The following CNTN5 variants were observed in gnomAD, a reference collection of about 807,000 sequenced individuals.
CNTN5 encodes contactin-5.
A neutral mutation model predicts 129.1 loss-of-function variants in CNTN5; 77 were observed. The ratio of observed to expected loss-of-function variants is 0.60; its 90% CI spans 0.50 to 0.72. The LOEUF (loss-of-function observed/expected upper bound fraction) is 0.72. Ranked by LOEUF, CNTN5 falls within the 30% of genes least tolerant of loss-of-function variation. CNTN5 has a pLI of 0.00. For missense variants in CNTN5, 1,478 were observed against 1,328.8 expected (o/e 1.11, Z -1.75); for synonymous variants, 509 against 465.6 (o/e 1.09, Z -1.20).
At chr11:100,229,104 A>G (rs1949439409) in intron 16 of CNTN5, among the ~76,000 whole-genome samples, 1 of 152,178 alleles carries the variant, frequency 6.6e-6, no homozygotes, top group Non-Finnish European at 1.5e-5. Context: ...AAAGCATGTT[A>G]GCAAACAGAG....
intron 2 of CNTN5, among the ~76,000 whole-genome samples, chr11:99,448,596 A>ACT (rs199787743): frequency 0.011 from 1,647 of 152,070 alleles, 37 homozygotes; most frequent in African/African-American, 0.037. Flanking sequence ...TCCCTACCCT[A>ACT]GGAACCTGCA....
intron 6 of CNTN5, among the ~76,000 whole-genome samples, chr11:99,895,224 G>A (rs902035673): frequency 6.6e-6 from 1 of 152,184 alleles, no homozygotes; most frequent in Non-Finnish European, 1.5e-5. Context: ...CAGCAGAGCT[G>A]TCCTAGATAA....
At chr11:99,080,741 C>G (rs1865757279) in intron 1 of CNTN5, among the ~76,000 whole-genome samples, 1 of 152,108 alleles carries the variant, frequency 6.6e-6, no homozygotes. Context: ...GAAGGAATAG[C>G]TATTGAATAG....
chr11:99,652,527 C>T (rs1163433224), intron 3 of CNTN5, among the ~76,000 whole-genome samples: 1 of 152,002 alleles, frequency 6.6e-6, no homozygotes, highest in Non-Finnish European at 1.5e-5. Context: ...TCTCACGATC[C>T]TGTCAACCAG....
intron 6 of CNTN5, among the ~76,000 whole-genome samples, chr11:99,856,334 A>T (rs886941441): frequency 3.3e-5 from 5 of 152,196 alleles, no homozygotes; most frequent in African/African-American, 1.2e-4. Flanking sequence ...CAAATTATAA[A>T]TGATGCTGTA....
chr11:99,126,223 G>A (rs1858625103), intron 1 of CNTN5, among the ~76,000 whole-genome samples: 1 of 152,142 alleles, frequency 6.6e-6, no homozygotes, highest in South Asian at 2.1e-4. Flanking sequence ...TAATCTATTA[G>A]TGCCTTTTAA....
chr11:99,894,875 A>G (rs540931258), intron 6 of CNTN5, among the ~76,000 whole-genome samples: 1 of 152,324 alleles, frequency 6.6e-6, no homozygotes, highest in South Asian at 2.1e-4. Flanking sequence ...TGCTTACTGA[A>G]AAAACATAGG....
At chr11:99,942,622 T>G (rs770615544) in intron 7 of CNTN5, among the ~76,000 whole-genome samples, 1 of 151,988 alleles carries the variant, frequency 6.6e-6, no homozygotes, top group Non-Finnish European at 1.5e-5. Context: ...ACCCATAATC[T>G]AGGTTTTAAG....
In CNTN5 at chr11:99,864,728, G is replaced by T. The variant is rs115794270; in HGVS notation, c.577+19466G>T. ...GTGTCATAGTGAAATTATTTGCCTCGGAGTTTTTGGGGATTTGATATTGCA... is the reference window on the plus strand; with the variant it reads ...GTGTCATAGTGAAATTATTTGCCTCTGAGTTTTTGGGGATTTGATATTGCA... On this transcript the variant is annotated intron_variant, in intron 6 of 24. Coordinates refer to ENST00000524871, the MANE Select transcript of CNTN5 (RefSeq NM_014361.4). 8.5e-5 allele frequency among the ~76,000 whole-genome samples: 13 copies of T among 152,174 alleles called. No homozygotes were observed. The East Asian group carries it at 2.3e-3, about 27-fold the overall frequency.
chr11:99,404,641 A>G (rs555252690), intron 2 of CNTN5, among the ~76,000 whole-genome samples: 4 of 152,280 alleles, frequency 2.6e-5, no homozygotes, highest in African/African-American at 9.6e-5. Flanking sequence ...AGGCTAGTAA[A>G]GACTGTATGC....
intron 13 of CNTN5, among the ~76,000 whole-genome samples, chr11:100,120,684 A>T (rs894507591): frequency 1.3e-5 from 2 of 151,958 alleles, no homozygotes; most frequent in Non-Finnish European, 2.9e-5. Flanking sequence ...TGTAGATTTT[A>T]TATAAAATAA....
At chr11:99,494,311 T>C (rs1371452772) in intron 2 of CNTN5, among the ~76,000 whole-genome samples, 2 of 152,212 alleles carry the variant, frequency 1.3e-5, no homozygotes, top group African/African-American at 4.8e-5. Context: ...CAATACCCTT[T>C]TACTTTCTCA....
intron 1 of CNTN5, among the ~76,000 whole-genome samples, chr11:99,230,606 G>C (rs1043886999): frequency 6.6e-6 from 1 of 152,086 alleles, no homozygotes; most frequent in Non-Finnish European, 1.5e-5. Context: ...AACTTTTTGA[G>C]ACTGCAATAG....
intron 2 of CNTN5, among the ~76,000 whole-genome samples, chr11:99,448,618 C>T (rs1372890302): frequency 6.6e-6 from 1 of 151,762 alleles, no homozygotes; most frequent in East Asian, 1.9e-4. Flanking sequence ...TTTTCAGTTT[C>T]ATGAAATTCT....
intron 3 of CNTN5, among the ~76,000 whole-genome samples, chr11:99,729,740 T>C (rs1322511890): frequency 6.6e-6 from 1 of 152,170 alleles, no homozygotes; most frequent in Admixed American, 6.5e-5. Context: ...TGAGATCATG[T>C]CCTGTGCAGG....
chr11:99,213,736 A>G (rs889346030), intron 1 of CNTN5, among the ~76,000 whole-genome samples: 21 of 152,034 alleles, frequency 1.4e-4, no homozygotes, highest in African/African-American at 5.1e-4. Context: ...TTTGTTACAT[A>G]CTTCTAAGAT....
At chr11:99,134,401 A>C (rs1859114453) in intron 1 of CNTN5, among the ~76,000 whole-genome samples, 1 of 152,212 alleles carries the variant, frequency 6.6e-6, no homozygotes, top group South Asian at 2.1e-4. Flanking sequence ...GCACCCTGGA[A>C]CATAAAAAAA....
At chr11:100,209,492 A>G (rs979474094) in intron 15 of CNTN5, among the ~76,000 whole-genome samples, 2 of 152,228 alleles carry the variant, frequency 1.3e-5, no homozygotes, top group South Asian at 4.1e-4. Context: ...TTAACATGTT[A>G]GAAAATTCTA....
intron 2 of CNTN5, among the ~76,000 whole-genome samples, chr11:99,544,396 A>ATGTAAACT (rs1161118670): frequency 6.6e-6 from 1 of 152,106 alleles, no homozygotes. Context: ...ATTTAAACTC[A>ATGTAAACT]TGTAAATTAA....
Sources: allele counts gnomAD v4.1 joint callset (sites outside exome capture counted in the v4.1 genomes callset), GRCh38; gene constraint gnomAD v4.1.1; transcripts MANE v1.5; gene names NCBI Gene and HGNC (gene_info 2026-07-23, HGNC 2026-07-21).